Variants in ZDBF2 observed in about 807,000 individuals in gnomAD.
ZDBF2 encodes DBF4-type zinc finger-containing protein 2.
Under a neutral mutation model 9.4 loss-of-function variants are expected in ZDBF2, and 6 were observed. The observed-to-expected ratio is 0.64, with a 90% confidence interval of 0.35 to 1.27. ZDBF2 has a LOEUF of 1.27. Ranked by LOEUF, ZDBF2 falls within the 50% of genes most tolerant of loss-of-function variation. The probability of loss-of-function intolerance (pLI) is 0.03; values close to 1 mark genes in which losing one functional copy is unlikely to be tolerated. For missense variants in ZDBF2, 2,697 were observed against 2,766.8 expected (o/e 0.97, Z 0.57); for synonymous variants, 905 against 946.3 (o/e 0.96, Z 0.80).
rs750779147 is a variant in ZDBF2, at chr2:206,305,760, G to T, written c.1232G>T (p.Ser411Ile). ...SRGSEMSFDC[S>I]SSFHSLTDQS... ...GGTTCAGAAATGAGTTTTGATTGCA[G>T]TTCCTCTTTTCATTCACTGACTGAC... The change falls in exon 5 of 5, where the codon AGT becomes ATT. Residue 411 changes from serine (S) to isoleucine (I), a missense_variant. Physicochemically the swap from Ser to Ile is moderately radical, Grantham distance 142. Around this residue, in one of 3 missense-constraint regions of ZDBF2, gnomAD observed 910 missense variants for 973.6 expected, o/e 0.93. Transcript: ENST00000374423. The T allele has an allele frequency of 3.3e-5, 54 of 1,613,590 alleles. No individual in the cohort carries two copies. Among genetic ancestry groups the T allele is most frequent in the African/African-American group, 5.3e-5 (4 of 74,918 alleles).
intron 4 of ZDBF2, among the ~76,000 whole-genome samples, chr2:206,301,623 A>G (rs369446092): frequency 1.3e-5 from 2 of 152,108 alleles, no homozygotes; most frequent in Non-Finnish European, 2.9e-5. Flanking sequence ...ATAGTACATT[A>G]TTTTATTATG....
In ZDBF2 at chr2:206,311,295, T is replaced by G. The variant is rs781076492; in HGVS notation, c.6767T>G (p.Val2256Gly). The change falls in exon 5 of 5, where the codon GTC (valine) becomes GGC (glycine). Residue 2256 changes from valine (V) to glycine (G), a missense_variant. Physicochemically the swap from Val to Gly is moderately radical, Grantham distance 109 (BLOSUM62 -3). Coordinates refer to ENST00000374423, the MANE Select transcript of ZDBF2 (RefSeq NM_020923.3). ...GRYLKKKKSV[V>G]SRLKKAKRTA... ...TATCTGAAGAAGAAAAAATCTGTTG[T>G]CAGTAGGCTAAAGAAGGCGAAGAGA... The G allele has an allele frequency of 3.7e-6, 6 of 1,607,366 alleles. No individual in the cohort carries two copies. The Admixed American group carries it at 1.0e-4, about 27-fold the overall frequency.
chr2:206,292,288 T>A (rs1320063702), intron 3 of ZDBF2, among the ~76,000 whole-genome samples: 1 of 152,190 alleles, frequency 6.6e-6, no homozygotes, highest in South Asian at 2.1e-4. Context: ...GGTTGCTCAT[T>A]GTAATCTCTT....
rs1247582481 is a variant in ZDBF2, at chr2:206,305,955, A to T, written c.1427A>T (p.Asn476Ile). The change falls in exon 5 of 5, where the codon AAT becomes ATT. Residue 476 changes from asparagine to isoleucine, a missense_variant. Transcript: ENST00000374423. Reference protein sequence around the residue: ...QMIVKEISLQNARHISLVDQS... With the variant: ...QMIVKEISLQIARHISLVDQS... ...ATTGTTAAAGAAATAAGTCTTCAGA[A>T]TGCAAGGCATATTAGCCTGGTTGAC... 1 of 1,613,460 alleles carries T rather than the reference A, an allele frequency of 6.2e-7. No individual in the cohort carries two copies. The highest frequency in any genetic ancestry group is 8.5e-7 in the Non-Finnish European group (1 of 1,179,654).
At chr2:206,278,747 C>A (rs1232540879) in intron 1 of ZDBF2, among the ~76,000 whole-genome samples, 1 of 152,180 alleles carries the variant, frequency 6.6e-6, no homozygotes, top group East Asian at 1.9e-4. Flanking sequence ...AAACCGTATC[C>A]ACAGTGGCAT....
intron 4 of ZDBF2, among the ~76,000 whole-genome samples, chr2:206,303,693 C>G (rs1233726061): frequency 6.6e-6 from 1 of 152,172 alleles, no homozygotes; most frequent in Non-Finnish European, 1.5e-5. Context: ...TTGCTGCCAT[C>G]CTGTAGTCAC....
At chr2:206,300,169 C>G (rs1472066592) in intron 4 of ZDBF2, among the ~76,000 whole-genome samples, 1 of 152,146 alleles carries the variant, frequency 6.6e-6, no homozygotes, top group Non-Finnish European at 1.5e-5. Flanking sequence ...TCAGAGGGAG[C>G]CAGTTTTAAA....
chr2:206,310,520 A>G lies in ZDBF2; in HGVS notation c.5992A>G (p.Lys1998Glu), dbSNP rs770042728. ...GTVEFPASCT[K>E]VLKPMQPKAL... ...AGTTGAATTTCCTGCATCATGTACT[A>G]AAGTTTTGAAGCCTATGCAACCCAA... is the stretch of plus-strand genomic sequence containing the variant. Residue 1998 changes from lysine to glutamate, a missense_variant, in exon 5 of 5, where the codon AAA becomes GAA. By Grantham distance (56) the Lys-to-Glu change is moderately conservative (BLOSUM62 1). Around this residue, in one of 3 missense-constraint regions of ZDBF2, gnomAD observed 1,783 missense variants for 1,776.5 expected, o/e 1.00. Coordinates refer to ENST00000374423, the MANE Select transcript of ZDBF2 (RefSeq NM_020923.3). 7 of 1,613,240 alleles carry G rather than the reference A, an allele frequency of 4.3e-6. No individual in the cohort carries two copies. Among genetic ancestry groups the G allele is most frequent in the Admixed American group, 1.7e-5 (1 of 59,854 alleles).
Position 206,305,457 on chromosome 2 carries a change from C to T in ZDBF2, c.929C>T (p.Pro310Leu), listed in dbSNP as rs541984086. Reference protein sequence around the residue: ...VKSPSKLAVNPNKTDMPSNKG... With the variant: ...VKSPSKLAVNLNKTDMPSNKG... ...TCTCCTTCCAAATTAGCAGTAAACC[C>T]GAATAAAACTGACATGCCTTCTAAT... The change falls in exon 5 of 5, where the codon CCG becomes CTG. Residue 310 changes from proline (P) to leucine (L), a missense_variant. Transcript: ENST00000374423. The T allele has an allele frequency of 1.6e-5, 26 of 1,612,832 alleles. No individual in the cohort carries two copies. In the East Asian group the frequency reaches 3.6e-4, roughly 22 times the overall value.
In ZDBF2 at chr2:206,310,902, C is replaced by T. The variant is rs1417256263; in HGVS notation, c.6374C>T (p.Ser2125Phe). The T allele has an allele frequency of 6.2e-7, 1 of 1,613,890 alleles. No individual in the cohort carries two copies. Among genetic ancestry groups the T allele is most frequent in the Admixed American group, 1.7e-5 (1 of 60,012 alleles). ...GFNSHQGTSD[S>F]SLFLEESKVL... ...AATTCACATCAGGGAACCAGTGACT[C>T]TTCTCTGTTTCTGGAAGAATCAAAG... Residue 2125 changes from serine to phenylalanine, a missense_variant, in exon 5 of 5, where the codon TCT becomes TTT. Ser to Phe is a radical substitution (Grantham distance 155, BLOSUM62 -2). Coordinates refer to ENST00000374423, the MANE Select transcript of ZDBF2 (RefSeq NM_020923.3).
chr2:206,291,791 C>G (rs1022568581), intron 3 of ZDBF2, among the ~76,000 whole-genome samples: 2 of 151,944 alleles, frequency 1.3e-5, no homozygotes, highest in African/African-American at 4.8e-5. Flanking sequence ...ATTTTGTTGA[C>G]AATGTTTGCA....
rs761001361 is a variant in ZDBF2 at position 206,310,233 on chromosome 2, G to A, written c.5705G>A (p.Gly1902Asp). ...TCAGAGAGTGATGATATTGTCTGTG[G>A]TATTTCAGATATTGATGACTTGTCA... is the stretch of plus-strand genomic sequence containing the variant. The part of the protein sequence containing the change: ...AVSESDDIVC[G>D]ISDIDDLSVA... The change falls in exon 5 of 5, where the codon GGT (glycine) becomes GAT (aspartate). Residue 1902 changes from glycine to aspartate, a missense_variant. By Grantham distance (94) the Gly-to-Asp change is moderately conservative (BLOSUM62 -1). Around this residue, in one of 3 missense-constraint regions of ZDBF2, gnomAD observed 1,783 missense variants for 1,776.5 expected, o/e 1.00. Coordinates refer to ENST00000374423, the MANE Select transcript of ZDBF2 (RefSeq NM_020923.3). 6.2e-7 allele frequency: 1 copy of A among 1,613,928 alleles called. No individual in the cohort carries two copies. The highest frequency in any genetic ancestry group is 1.1e-5 in the South Asian group (1 of 91,076).
chr2:206,281,758 G>C (rs983697519), intron 2 of ZDBF2, 43 bp from the exon 3 acceptor site: 87 of 1,218,900 alleles, frequency 7.1e-5, no homozygotes, highest in Middle Eastern at 1.9e-4. Context: ...CCTCATAAGA[G>C]TAAGGAATTA....
In ZDBF2 at chr2:206,311,440, G is replaced by C; in HGVS notation, c.6912G>C (p.Arg2304Ser). 1.2e-6 allele frequency: 2 copies of C among 1,612,382 alleles called. No homozygotes were observed. Among genetic ancestry groups the C allele is most frequent in the Non-Finnish European group, 1.7e-6 (2 of 1,179,324 alleles). The change falls in exon 5 of 5, where the codon AGG becomes AGC. Residue 2304 changes from arginine (R) to serine (S), a missense_variant. This residue lies in a region of ZDBF2 where 1,783 missense variants were observed against 1,776.5 expected (regional missense o/e 1.00). Coordinates refer to ENST00000374423, the MANE Select transcript of ZDBF2 (RefSeq NM_020923.3). ...GGGCTTCTTGCCGCGTTGCAAGAAG[G>C]AGGAAGAAGACTGATGAAAGCTACC... ...PVRASCRVAR[R>S]RKKTDESYHG...
intron 3 of ZDBF2, among the ~76,000 whole-genome samples, chr2:206,296,062 T>G (rs1692160393): frequency 1.3e-5 from 2 of 152,122 alleles, no homozygotes; most frequent in African/African-American, 4.8e-5. Context: ...ATTTACTCAT[T>G]GAAAAATATA....
intron 4 of ZDBF2, among the ~76,000 whole-genome samples, chr2:206,302,557 A>G (rs984828537): frequency 1.6e-4 from 24 of 151,966 alleles, no homozygotes; most frequent in Admixed American, 1.4e-3. Flanking sequence ...TCTTAGCTAC[A>G]TATTGCACAA....
intron 3 of ZDBF2, among the ~76,000 whole-genome samples, chr2:206,294,110 G>A (rs1240403431): frequency 6.6e-6 from 1 of 152,060 alleles, no homozygotes; most frequent in Non-Finnish European, 1.5e-5. Flanking sequence ...ATATAATATT[G>A]AGTAAAATAA....
chr2:206,306,301 A>C lies in ZDBF2; in HGVS notation c.1773A>C (p.Ser591=). The stretch of plus-strand genomic sequence containing the variant: ...TTGATTGTGATGTTTCTCTTGAGTC[A>C]GTAGTTGATCATCCCCAACTGACTG... ...TSFDCDVSLE[S]VVDHPQLTVK... is the part of the protein sequence containing the mutation. The change falls in exon 5 of 5, where the codon TCA becomes TCC. Residue 591 remains serine, a synonymous_variant. Coordinates refer to ENST00000374423, the MANE Select transcript of ZDBF2 (RefSeq NM_020923.3). 6.2e-7 allele frequency: 1 copy of C among 1,613,706 alleles called. No individual in the cohort carries two copies. Among genetic ancestry groups the C allele is most frequent in the Non-Finnish European group, 8.5e-7 (1 of 1,179,788 alleles).
chr2:206,283,083 G>A (rs769908232), intron 3 of ZDBF2, among the ~76,000 whole-genome samples: 10 of 152,192 alleles, frequency 6.6e-5, no homozygotes, highest in Non-Finnish European at 1.2e-4. Context: ...TCCATTGCAT[G>A]GATATATCAC....
Sources: allele counts gnomAD v4.1 joint callset (sites outside exome capture counted in the v4.1 genomes callset), GRCh38; gene constraint gnomAD v4.1.1; regional missense constraint gnomAD v4.1.1; transcripts MANE v1.5; gene names NCBI Gene and HGNC (gene_info 2026-07-23, HGNC 2026-07-21).